Variants in CPEB1 observed in about 807,000 individuals in gnomAD.
CPEB1 encodes the protein cytoplasmic polyadenylation element binding protein 1.
In CPEB1, 7 loss-of-function variants were observed where a neutral mutation model predicts 65.8. The ratio of observed to expected loss-of-function variants is 0.11; its 90% CI spans 0.06 to 0.20. The LOEUF (loss-of-function observed/expected upper bound fraction) is 0.20, where lower values mean the gene tolerates loss of function less well. CPEB1 is among the 10% of genes least tolerant of loss of function. The pLI is 1.00. For missense variants in CPEB1, 551 were observed against 712.2 expected (o/e 0.77, Z 2.58); for synonymous variants, 262 against 260.0 (o/e 1.01, Z -0.08).
At chr15:82,553,407 T>G (rs776947609) in intron 8 of CPEB1, 60 bp downstream of exon 8, 1 of 1,276,910 alleles carries the variant, frequency 7.8e-7, no homozygotes, top group South Asian at 1.2e-5. Flanking sequence ...GGTGCAGTTA[T>G]GTACTAGGGA....
intron 1 of CPEB1, among the ~76,000 whole-genome samples, chr15:82,646,082 G>T (rs2047491587): frequency 1.3e-5 from 2 of 152,070 alleles, no homozygotes; most frequent in African/African-American, 4.8e-5. Flanking sequence ...AACCAACCAG[G>T]AAAACAATCA....
intron 3 of CPEB1, among the ~76,000 whole-genome samples, chr15:82,586,960 T>C (rs1321333437): frequency 2.0e-5 from 3 of 152,212 alleles, no homozygotes; most frequent in African/African-American, 7.2e-5. Flanking sequence ...ACATACAACT[T>C]TGCAACAGAG....
At chr15:82,647,919 G>C, upstream of CPEB1, 1 of 1,226,216 alleles carries the variant, frequency 8.2e-7, no homozygotes, top group Non-Finnish European at 1.0e-6. Flanking sequence ...GCCAGCCGGC[G>C]GGCGAGAGAC....
At position 82,544,694 on chromosome 15, in the gene CPEB1, G is replaced by T; in HGVS notation, c.1665C>A (p.Phe555Leu). The T allele has an allele frequency of 6.2e-7, 1 of 1,613,144 alleles. No homozygotes were observed. The highest frequency in any genetic ancestry group is 1.3e-5 in the African/African-American group (1 of 75,036). ...GCCAGCAGCTCCGGCAGAAGTATTTGAAGCAGACCTGGGTTGGGGGAACAA... is the reference window on the plus strand; with the variant it reads ...GCCAGCAGCTCCGGCAGAAGTATTTTAAGCAGACCTGGGTTGGGGGAACAA... ...GPFFCRDQVCFKYFCRSCWHW... is the reference protein window; with the variant it reads ...GPFFCRDQVCLKYFCRSCWHW... Residue 555 changes from phenylalanine to leucine, a missense_variant, in exon 13 of 13, where the codon TTC becomes TTA. Phe to Leu is a conservative substitution (Grantham distance 22). Transcript: ENST00000684509.
In CPEB1 at chr15:82,549,512, A is replaced by G. The variant is rs1344717048; in HGVS notation, c.1428T>C (p.Phe476=). The G allele has an allele frequency of 6.2e-7, 1 of 1,614,164 alleles. No homozygotes were observed. Among genetic ancestry groups the G allele is most frequent in the South Asian group, 1.1e-5 (1 of 91,080 alleles). Residue 476 remains phenylalanine (F), a synonymous_variant, in exon 10 of 13, where the codon TTT becomes TTC. Coordinates refer to ENST00000684509, the MANE Select transcript of CPEB1 (RefSeq NM_001365242.1). ...EALAAILNDL[F]GGVVYAGIDT... is the part of the protein sequence containing the mutation. ...CAATCCCGGCATACACCACTCCACC[A>G]AATAGGTCGTTCAAGATGGCTGCCA...
At chr15:82,557,548 A>G (rs2037437335) in intron 5 of CPEB1, 4 of 515,286 alleles carry the variant, frequency 7.8e-6, no homozygotes, top group Non-Finnish European at 1.4e-5. Flanking sequence ...AGGTCCTGCA[A>G]TGTATTGCTC....
At chr15:82,574,510 G>A (rs972612639) in intron 3 of CPEB1, among the ~76,000 whole-genome samples, 3 of 152,034 alleles carry the variant, frequency 2.0e-5, no homozygotes, top group Non-Finnish European at 2.9e-5. Flanking sequence ...TTGAGGTCAG[G>A]AGCTCAAGAC....
At chr15:82,626,383 G>A (rs939087956) in intron 3 of CPEB1, among the ~76,000 whole-genome samples, 3 of 151,756 alleles carry the variant, frequency 2.0e-5, no homozygotes, top group African/African-American at 4.8e-5. Flanking sequence ...GCAGTGAGCC[G>A]AGATCACACC....
intron 3 of CPEB1, among the ~76,000 whole-genome samples, chr15:82,599,483 A>G (rs1425237488): frequency 5.9e-5 from 9 of 152,226 alleles, no homozygotes; most frequent in Non-Finnish European, 1.2e-4. Flanking sequence ...AAAGCATCTG[A>G]AATCTTACAG....
chr15:82,595,281 C>G (rs538089780), intron 3 of CPEB1, among the ~76,000 whole-genome samples: 4 of 152,318 alleles, frequency 2.6e-5, no homozygotes, highest in East Asian at 3.9e-4. Flanking sequence ...GTTACAAATG[C>G]CCACCTATAA....
chr15:82,601,713 C>G (rs1242526831), intron 3 of CPEB1, among the ~76,000 whole-genome samples: 1 of 152,034 alleles, frequency 6.6e-6, no homozygotes, highest in Non-Finnish European at 1.5e-5. Context: ...CATTCAAGCA[C>G]CAAAAATGCT....
chr15:82,579,271 G>A (rs1454229442), intron 3 of CPEB1, among the ~76,000 whole-genome samples: 1 of 152,078 alleles, frequency 6.6e-6, no homozygotes, highest in Non-Finnish European at 1.5e-5. Flanking sequence ...AGACTGCCTG[G>A]GCAACACAGG....
chr15:82,625,637 A>C (rs1347612362), intron 3 of CPEB1, among the ~76,000 whole-genome samples: 1 of 152,166 alleles, frequency 6.6e-6, no homozygotes, highest in Non-Finnish European at 1.5e-5. Flanking sequence ...TGGGTTTTAC[A>C]TCCCTTGAAT....
chr15:82,544,511 C>T lies in CPEB1; in HGVS notation c.*81G>A, dbSNP rs1057360134. On this transcript the variant is annotated 3_prime_UTR_variant, in exon 13 of 13. Transcript: ENST00000684509. ...GTCCTTGGGAAGCCAGCTCCCTGGT[C>T]GCCAGTGGCAGGGTGGTGCAGGCTG... 39 of 984,736 alleles carry T rather than the reference C, an allele frequency of 4.0e-5. 1 individual carries two copies. The highest frequency in any genetic ancestry group is 7.6e-5 in the South Asian group (5 of 66,154). 61.0% of individuals were successfully genotyped at this position (984,736 alleles called of 1,614,324 possible).
chr15:82,614,751 G>A (rs1157426259), intron 3 of CPEB1, among the ~76,000 whole-genome samples: 13 of 148,064 alleles, frequency 8.8e-5, no homozygotes, highest in African/African-American at 3.4e-4. Flanking sequence ...AGAAAGAAAC[G>A]AAACGAAACC....
At chr15:82,594,871 A>G (rs1329746118) in intron 3 of CPEB1, among the ~76,000 whole-genome samples, 1 of 152,024 alleles carries the variant, frequency 6.6e-6, no homozygotes, top group Admixed American at 6.6e-5. Context: ...AGAAAGTGGG[A>G]GAGAGACAGG....
rs745460623 is a variant in CPEB1 at position 82,571,324 on chromosome 15, ACT to A, written c.460+18_460+19del. ...CCCATGCATCCCCTTACCCCAGCCA[ACT>A]CATTCTCTGGCACTCACCCGAGTGT... On this transcript the variant is annotated intron_variant, in intron 4 of 12. Transcript: ENST00000684509. 1.3e-6 allele frequency: 2 copies of A among 1,600,000 alleles called. No homozygotes were observed. Among genetic ancestry groups the A allele is most frequent in the South Asian group, 2.2e-5 (2 of 89,360 alleles).
At chr15:82,565,998 A>G (rs533029301) in intron 4 of CPEB1, among the ~76,000 whole-genome samples, 47 of 152,352 alleles carry the variant, frequency 3.1e-4, no homozygotes, top group Middle Eastern at 6.8e-3. Context: ...CTCAGAGGGT[A>G]TAAGAGACCA....
rs1031831179 is a variant in CPEB1, at chr15:82,629,689, A to G, written c.-97-1133T>C. The G allele has an allele frequency of 6.1e-6, 6 of 985,268 alleles. No individual in the cohort carries two copies. In the African/African-American group the frequency reaches 7.0e-5, roughly 11 times the overall value. 61.0% of individuals were successfully genotyped at this position (985,268 alleles called of 1,614,324 possible). A position where few individuals can be genotyped will look rare whatever the true frequency, so the allele number is the denominator to read the frequency against. ...CTCATCAGTTCTATTATCCTCAATTATCTTGCGGAAAACAAAAACAGACCA... is the reference window on the plus strand; with the variant it reads ...CTCATCAGTTCTATTATCCTCAATTGTCTTGCGGAAAACAAAAACAGACCA... On this transcript the variant is annotated intron_variant, in intron 1 of 12. Coordinates refer to ENST00000684509, the MANE Select transcript of CPEB1 (RefSeq NM_001365242.1).
Sources: gnomAD v4.1 joint callset for allele counts (sites outside exome capture counted in the v4.1 genomes callset) on GRCh38, gnomAD v4.1.1 for gene constraint, MANE v1.5 for transcripts, NCBI Gene and HGNC (gene_info 2026-07-23, HGNC 2026-07-21) for gene names.